The following NETO1 variants were observed in gnomAD, a reference collection of about 807,000 sequenced individuals.
NETO1 encodes neuropilin and tolloid-like protein 1.
NETO1 carries 26 observed loss-of-function variants against 61.3 expected under a neutral mutation model. The observed-to-expected ratio is 0.42, with a 90% CI of 0.31 to 0.59. The LOEUF (loss-of-function observed/expected upper bound fraction) is 0.59. Ranked by LOEUF, NETO1 falls within the 20% of genes least tolerant of loss-of-function variation. The probability of loss-of-function intolerance (pLI) is 0.12; values close to 1 mark genes in which losing one functional copy is unlikely to be tolerated. For synonymous variants in NETO1, 225 were observed against 225.8 expected (o/e 1.00, Z 0.03); for missense variants, 531 against 662.8 (o/e 0.80, Z 2.18).
At chr18:72,854,682 CTTAGTT>C (rs576302215) in intron 4 of NETO1, among the ~76,000 whole-genome samples, 115 of 152,278 alleles carry the variant, frequency 7.6e-4, no homozygotes, top group African/African-American at 2.7e-3. Flanking sequence ...AAAAGGCATT[CTTAGTT>C]TGAGTAAAAA....
chr18:72,764,870 C>T (rs948823705), intron 7 of NETO1, among the ~76,000 whole-genome samples: 10 of 152,102 alleles, frequency 6.6e-5, no homozygotes, highest in Non-Finnish European at 7.4e-5. Context: ...CTTTCTTCCC[C>T]GGATACCGTT....
chr18:72,807,715 AACACACACAC>A (rs72126949), intron 4 of NETO1, among the ~76,000 whole-genome samples: 20 of 65,356 alleles, frequency 3.1e-4, no homozygotes, highest in East Asian at 1.6e-3. Flanking sequence ...TGAAGACAAG[AACACACACAC>A]ACACACACAC....
In NETO1 at chr18:72,830,338, T is replaced by C. The variant is rs899584298; in HGVS notation, c.469+28488A>G. 6.6e-6 allele frequency among the ~76,000 whole-genome samples: 1 copy of C among 151,988 alleles called. No homozygotes were observed. The highest frequency in any genetic ancestry group is 2.4e-5 in the African/African-American group (1 of 41,370). On this transcript the variant is annotated intron_variant, in intron 4 of 10. Transcript: ENST00000327305. This position sits in a 1 kb window ranked among gnomAD's most constrained non-coding sequence, Gnocchi z 4.9. ...CACACACTCAGCACCCTGGACAGCG[T>C]CCAAACCCCAGAAACGGGTTGGCAG... is the stretch of plus-strand genomic sequence containing the variant.
chr18:72,811,582 T>A (rs1423752595), intron 4 of NETO1, among the ~76,000 whole-genome samples: 1 of 152,028 alleles, frequency 6.6e-6, no homozygotes, highest in Non-Finnish European at 1.5e-5. Context: ...AAAAGGAGGA[T>A]CTTTTGAGAT....
At position 72,746,418 on chromosome 18, in the gene NETO1, T is replaced by C. The variant is rs2070433511; in HGVS notation, c.*1761A>G. The stretch of plus-strand genomic sequence containing the variant: ...GCAATGTGTATAAAACTATGTAGCA[T>C]AACAATGAAAAATAATCTTTGTCAT... On this transcript the variant is annotated 3_prime_UTR_variant, in exon 11 of 11. Coordinates refer to ENST00000327305, the MANE Select transcript of NETO1 (RefSeq NM_138966.5). 6.6e-6 allele frequency among the ~76,000 whole-genome samples: 1 copy of C among 152,134 alleles called. No individual in the cohort carries two copies. Among genetic ancestry groups the C allele is most frequent in the South Asian group, 2.1e-4 (1 of 4,834 alleles).
At chr18:72,827,045 T>C (rs2073396925) in intron 4 of NETO1, among the ~76,000 whole-genome samples, 1 of 150,806 alleles carries the variant, frequency 6.6e-6, no homozygotes, top group Non-Finnish European at 1.5e-5. Context: ...AAACTGGGTC[T>C]GCCCAAGGAT....
At chr18:72,748,836 C>T (rs1455910902) in intron 10 of NETO1, among the ~76,000 whole-genome samples, 178 bp downstream of exon 10, 1 of 151,968 alleles carries the variant, frequency 6.6e-6, no homozygotes. Context: ...AGGTATGTAT[C>T]CCGAGAATCA....
At chr18:72,757,198 TATTA>T (rs1019843957) in intron 7 of NETO1, among the ~76,000 whole-genome samples, 10 of 152,256 alleles carry the variant, frequency 6.6e-5, no homozygotes, top group Admixed American at 1.3e-4. Context: ...AATGAAGATA[TATTA>T]ATGATCAGTA....
At chr18:72,761,547 T>G (rs1378097730) in intron 7 of NETO1, among the ~76,000 whole-genome samples, 3 of 152,104 alleles carry the variant, frequency 2.0e-5, no homozygotes, top group African/African-American at 7.2e-5. Flanking sequence ...GACATTCAGA[T>G]CCCATCTTGG....
intron 7 of NETO1, among the ~76,000 whole-genome samples, chr18:72,761,709 T>C (rs141043376): frequency 1.4e-3 from 213 of 152,114 alleles, no homozygotes; most frequent in Non-Finnish European, 2.8e-3. Flanking sequence ...TAACAAAATC[T>C]TCACAGTAAT....
At chr18:72,757,763 T>C (rs761709645) in intron 7 of NETO1, among the ~76,000 whole-genome samples, 14 of 152,182 alleles carry the variant, frequency 9.2e-5, no homozygotes, top group South Asian at 4.1e-4. Context: ...CAACTAAATT[T>C]GAATTTCTGT....
At chr18:72,849,019 A>G (rs1456005713) in intron 4 of NETO1, among the ~76,000 whole-genome samples, 2 of 152,190 alleles carry the variant, frequency 1.3e-5, no homozygotes, top group African/African-American at 4.8e-5. Context: ...TGACTGACTG[A>G]AGAGCTTTAT....
chr18:72,855,855 C>G (rs866538132), intron 4 of NETO1, among the ~76,000 whole-genome samples: 1 of 152,132 alleles, frequency 6.6e-6, no homozygotes, highest in Non-Finnish European at 1.5e-5. Flanking sequence ...AATTATCAAA[C>G]CTTTGGTTCA....
chr18:72,753,638 G>T (rs1233947773), intron 8 of NETO1, among the ~76,000 whole-genome samples: 22 of 152,168 alleles, frequency 1.4e-4, no homozygotes, highest in Admixed American at 1.4e-3. Context: ...AGCAAGTAAG[G>T]TCTGTAACAG....
intron 6 of NETO1, among the ~76,000 whole-genome samples, chr18:72,785,385 T>A (rs1352589025): frequency 1.3e-5 from 2 of 152,202 alleles, no homozygotes; most frequent in African/African-American, 4.8e-5. Flanking sequence ...TTGTTTTCCA[T>A]GTCCATTCAC....
chr18:72,807,193 T>A (rs961729374), intron 4 of NETO1, among the ~76,000 whole-genome samples: 2 of 152,228 alleles, frequency 1.3e-5, no homozygotes, highest in Non-Finnish European at 2.9e-5. Context: ...TCTCTAAGTA[T>A]GGGGTTGACA....
intron 10 of NETO1, 102 bp downstream of exon 10, chr18:72,748,912 A>T: frequency 1.3e-6 from 1 of 776,312 alleles, no homozygotes; most frequent in Non-Finnish European, 2.3e-6. Flanking sequence ...ACATATCTCA[A>T]GAAATAATGG....
rs907208147 is a variant in NETO1, at chr18:72,745,054, A to G, written c.*3125T>C. On this transcript the variant is annotated 3_prime_UTR_variant, in exon 11 of 11. Transcript: ENST00000327305. ...TCATCAGACTCACGGAAATACTTCTAGAGCAAAAGTAAATGTGAAACAGAA... is the reference window on the plus strand; with the variant it reads ...TCATCAGACTCACGGAAATACTTCTGGAGCAAAAGTAAATGTGAAACAGAA... 1.3e-4 allele frequency: 20 copies of G among 152,226 alleles called. No individual in the cohort carries two copies. Among genetic ancestry groups the G allele is most frequent in the African/African-American group, 4.8e-4 (20 of 41,472 alleles). The allele number at this position is 152,226 out of a possible 1,614,324, so 9.4% of individuals were successfully genotyped here. A position where few individuals can be genotyped will look rare whatever the true frequency, so the allele number is the denominator to read the frequency against.
At chr18:72,846,563 TGAAA>T (rs1456713312) in intron 4 of NETO1, among the ~76,000 whole-genome samples, 2 of 133,246 alleles carry the variant, frequency 1.5e-5, no homozygotes, top group South Asian at 2.4e-4. Flanking sequence ...CTTATGTAAG[TGAAA>T]GAAAGAATAA....
Sources: gnomAD v4.1 joint callset for allele counts (sites outside exome capture counted in the v4.1 genomes callset) on GRCh38, gnomAD v4.1.1 for gene constraint, Gnocchi (gnomAD v3.1) non-coding constraint, MANE v1.5 for transcripts, NCBI Gene and HGNC (gene_info 2026-07-23, HGNC 2026-07-21) for gene names.